The following ATXN7 variants were observed in gnomAD, a reference collection of about 807,000 sequenced individuals.
The protein encoded by ATXN7 is ataxin-7.
A neutral mutation model predicts 70.5 loss-of-function variants in ATXN7; 12 were observed. That is an observed-to-expected ratio of 0.17 (90% CI 0.11 to 0.28). ATXN7 has a LOEUF of 0.28. ATXN7 is among the 10% of genes least tolerant of loss of function. The pLI is 1.00. For missense variants in ATXN7, 1,256 were observed against 1,131.7 expected, an observed-to-expected ratio of 1.11 and a Z score of -1.58; for synonymous variants, 498 against 448.7, an observed-to-expected ratio of 1.11 and a Z score of -1.39.
intron 1 of ATXN7, among the ~76,000 whole-genome samples, chr3:63,895,054 CCT>C (rs1334736739): frequency 6.6e-6 from 1 of 152,068 alleles, no homozygotes; most frequent in Non-Finnish European, 1.5e-5. Context: ...CCTTTTCTTC[CCT>C]GTTATGCCCT....
intron 8 of ATXN7, among the ~76,000 whole-genome samples, chr3:63,986,287 T>C (rs139550895): frequency 2.8e-3 from 422 of 152,334 alleles, no homozygotes; most frequent in Admixed American, 6.5e-3. Flanking sequence ...GGAGCCTAGT[T>C]ATGCAGTCAG....
chr3:63,985,196 G>A (rs2075555302), intron 8 of ATXN7, among the ~76,000 whole-genome samples: 1 of 152,144 alleles, frequency 6.6e-6, no homozygotes, highest in Non-Finnish European at 1.5e-5. Flanking sequence ...TCTTCAAGGA[G>A]CTTGACTGGC....
intron 5 of ATXN7, among the ~76,000 whole-genome samples, chr3:63,979,703 G>T (rs562315009): frequency 3.6e-4 from 55 of 152,212 alleles, no homozygotes; most frequent in African/African-American, 1.3e-3. Context: ...TTTATGCTGA[G>T]ATACTTCAGA....
At chr3:63,999,183 C>T in intron 12 of ATXN7, 1 of 404,762 alleles carries the variant, frequency 2.5e-6, no homozygotes. Context: ...AACATAAGAG[C>T]CTTTTCTCTA....
rs745537994 is a variant in ATXN7 at position 63,912,956 on chromosome 3, C to T, written c.325+33C>T. On this transcript the variant is annotated intron_variant, in intron 3 of 12. Transcript: ENST00000674280. The stretch of plus-strand genomic sequence containing the variant: ...TCCACGCCCTCCTCCCCCCTTCACC[C>T]CCTCGCGACCCCCTCCTCTCTCCTC... 15 of 1,481,668 alleles carry T rather than the reference C, an allele frequency of 1.0e-5. No individual in the cohort carries two copies. In the East Asian group the frequency reaches 2.0e-4, roughly 20 times the overall value. 91.8% of individuals were successfully genotyped at this position (1,481,668 alleles called of 1,614,324 possible).
intron 5 of ATXN7, among the ~76,000 whole-genome samples, chr3:63,973,609 C>T (rs960027718): frequency 6.6e-6 from 1 of 152,116 alleles, no homozygotes; most frequent in Admixed American, 6.5e-5. Context: ...GCTGGGTGTG[C>T]CGCAGCTTGC....
Position 63,982,370 on chromosome 3 carries a change from C to T in ATXN7, c.937C>T (p.Pro313Ser), listed in dbSNP as rs774522651. 5 of 1,614,014 alleles carry T rather than the reference C, an allele frequency of 3.1e-6. No individual in the cohort carries two copies. In the South Asian group the frequency reaches 5.5e-5, roughly 18 times the overall value. Residue 313 changes from proline (P) to serine (S), a missense_variant, in exon 7 of 13, where the codon CCT (proline) becomes TCT (serine). Physicochemically the swap from Pro to Ser is moderately conservative, Grantham distance 74. Transcript: ENST00000674280. ...ACAGATTCTGAATGGCAAAGGGCTT[C>T]CTGCACCGCCCACTCTGGAAAAGAA... ...PGQILNGKGL[P>S]APPTLEKKPE...
chr3:63,964,792 C>T (rs147935470), intron 5 of ATXN7, among the ~76,000 whole-genome samples: 146 of 152,248 alleles, frequency 9.6e-4, no homozygotes, highest in African/African-American at 3.3e-3. Flanking sequence ...GGCCCACAGC[C>T]GAATGAATTG....
At chr3:63,990,575 T>C (rs1427095140) in intron 10 of ATXN7, 163 bp from the exon 11 acceptor site, 1 of 1,268,300 alleles carries the variant, frequency 7.9e-7, no homozygotes, top group Admixed American at 2.0e-5. Flanking sequence ...TTCTCTTCCA[T>C]GACGCTCAGG....
chr3:63,985,214 CT>C (rs748495690), intron 8 of ATXN7, among the ~76,000 whole-genome samples: 79 of 152,262 alleles, frequency 5.2e-4, no homozygotes, highest in Admixed American at 3.5e-3. Flanking sequence ...GGCATTCTTC[CT>C]GTGCCTTTAT....
At chr3:63,927,155 T>C (rs541274141) in intron 4 of ATXN7, among the ~76,000 whole-genome samples, 65 of 152,324 alleles carry the variant, frequency 4.3e-4, no homozygotes, top group African/African-American at 1.5e-3. Context: ...GTAGAATGAT[T>C]TATAATACTT....
At chr3:63,930,195 G>T (rs2107338473) in intron 4 of ATXN7, among the ~76,000 whole-genome samples, 1 of 152,276 alleles carries the variant, frequency 6.6e-6, no homozygotes, top group African/African-American at 2.4e-5. Context: ...ACCAGCCCCT[G>T]TTCAGAGACA....
At chr3:63,978,380 G>C (rs74685033) in intron 5 of ATXN7, among the ~76,000 whole-genome samples, 221 of 152,296 alleles carry the variant, frequency 1.5e-3, no homozygotes, top group Non-Finnish European at 2.1e-3. Context: ...AGACAATGGA[G>C]ACATGGCCCA....
At chr3:63,914,817 A>G (rs1337319649) in intron 4 of ATXN7, among the ~76,000 whole-genome samples, 1 of 152,170 alleles carries the variant, frequency 6.6e-6, no homozygotes, top group Non-Finnish European at 1.5e-5. Context: ...TGCTAGATAT[A>G]TTATTTTCTG....
chr3:63,968,315 G>A (rs560048569), intron 5 of ATXN7: 4 of 242,284 alleles, frequency 1.7e-5, no homozygotes, highest in East Asian at 8.4e-5. Flanking sequence ...GACGGGAGCC[G>A]AGTTTGTTAT....
At chr3:63,952,835 CTTTTTTTTTT>C (rs59256288) in intron 5 of ATXN7, among the ~76,000 whole-genome samples, 16 of 49,164 alleles carry the variant, frequency 3.3e-4, no homozygotes, top group African/African-American at 9.2e-4. Flanking sequence ...ATGCATGGGC[CTTTTTTTTTT>C]TTTTTTTTTT....
chr3:63,952,869 G>A (rs2074979418), intron 5 of ATXN7, among the ~76,000 whole-genome samples: 1 of 65,238 alleles, frequency 1.5e-5, no homozygotes. Context: ...TTTTTTTTAA[G>A]GAAATGTGAT....
chr3:63,951,650 T>A (rs184268365), intron 4 of ATXN7, among the ~76,000 whole-genome samples: 6 of 152,356 alleles, frequency 3.9e-5, no homozygotes, highest in African/African-American at 1.2e-4. Context: ...GTTAACCATA[T>A]TTACCAGGTA....
chr3:63,890,833 C>T (rs1344419364), intron 1 of ATXN7, among the ~76,000 whole-genome samples: 2 of 152,070 alleles, frequency 1.3e-5, no homozygotes, highest in African/African-American at 4.8e-5. Context: ...TGTTGATTCC[C>T]CCAGTCATTC....
Sources: gnomAD v4.1 joint callset for allele counts (sites outside exome capture counted in the v4.1 genomes callset) on GRCh38, gnomAD v4.1.1 for gene constraint, MANE v1.5 for transcripts, NCBI Gene and HGNC (gene_info 2026-07-23, HGNC 2026-07-21) for gene names.